The following CNTN6 variants were observed in gnomAD, a reference collection of about 807,000 sequenced individuals.
CNTN6 encodes contactin 6, also known as contactin-6.
CNTN6 carries 137 observed loss-of-function variants against 122.8 expected under a neutral mutation model. The observed-to-expected ratio is 1.12, with a 90% CI of 0.97 to 1.29. The LOEUF is 1.29. CNTN6 is among the 50% of genes most tolerant of loss of function. The pLI is 0.00. For missense variants in CNTN6, 1,634 were observed against 1,223.4 expected (o/e 1.34, Z -5.01); for synonymous variants, 570 against 426.0 (o/e 1.34, Z -4.16).
chr3:1,313,118 C>G (rs1418057128), intron 7 of CNTN6, among the ~76,000 whole-genome samples: 1 of 151,970 alleles, frequency 6.6e-6, no homozygotes, highest in Non-Finnish European at 1.5e-5. Context: ...ACAAGGCCCA[C>G]CTACCTATAC....
In CNTN6 at chr3:1,400,721, C is replaced by T. The variant is rs73817018; in HGVS notation, c.2705-712C>T. Among the ~76,000 whole-genome samples, 1,170 of 152,206 alleles carry T rather than the reference C, an allele frequency of 7.7e-3. 16 individuals carry two copies. Among genetic ancestry groups the T allele is most frequent in the African/African-American group, 0.027 (1,110 of 41,556 alleles). On this transcript the variant is annotated intron_variant, in intron 20 of 22. Transcript: ENST00000446702. ...TCAGGGGAACTCAAACTTGGACTAT[C>T]TCTGAACAGAGGAGGTTTTAAGTTT...
intron 2 of CNTN6, among the ~76,000 whole-genome samples, chr3:1,180,463 T>C (rs2093533147): frequency 6.6e-6 from 1 of 152,216 alleles, no homozygotes; most frequent in Non-Finnish European, 1.5e-5. Flanking sequence ...CCTTTCTAGT[T>C]TGACATTGTT....
At chr3:1,256,024 A>G (rs6763499) in intron 4 of CNTN6, among the ~76,000 whole-genome samples, 47,327 of 151,606 alleles carry the variant, frequency 0.31, 7,624 homozygotes, top group Admixed American at 0.41. Flanking sequence ...GTGTGCCACC[A>G]TATCCGGCTA....
At chr3:1,154,440 TTTTC>T (rs1559411229) in intron 2 of CNTN6, among the ~76,000 whole-genome samples, 2 of 145,796 alleles carry the variant, frequency 1.4e-5, no homozygotes, top group African/African-American at 5.4e-5. Context: ...TTTTCTTTTC[TTTTC>T]TTTCTTTTTT....
At chr3:1,346,483 C>A (rs140167872) in intron 11 of CNTN6, among the ~76,000 whole-genome samples, 1 of 152,014 alleles carries the variant, frequency 6.6e-6, no homozygotes, top group African/African-American at 2.4e-5. Flanking sequence ...TGCTAGACAG[C>A]GTTTTAAAAG....
intron 2 of CNTN6, among the ~76,000 whole-genome samples, chr3:1,152,692 A>G (rs2092873842): frequency 6.6e-6 from 1 of 152,188 alleles, no homozygotes; most frequent in Non-Finnish European, 1.5e-5. Flanking sequence ...GACAGATTTC[A>G]AAATTTAGTT....
intron 2 of CNTN6, among the ~76,000 whole-genome samples, chr3:1,210,530 A>C (rs2094022128): frequency 6.6e-6 from 1 of 152,162 alleles, no homozygotes; most frequent in South Asian, 2.1e-4. Flanking sequence ...GAGTTTGAAA[A>C]ACTAAGGTAG....
intron 2 of CNTN6, among the ~76,000 whole-genome samples, chr3:1,167,373 A>G (rs1167614996): frequency 2.0e-5 from 3 of 152,180 alleles, no homozygotes; most frequent in South Asian, 2.1e-4. Context: ...CTTTTCACCT[A>G]GATGACGTAT....
At chr3:1,348,042 C>T (rs980535287) in intron 11 of CNTN6, among the ~76,000 whole-genome samples, 1 of 151,078 alleles carries the variant, frequency 6.6e-6, no homozygotes, top group African/African-American at 2.4e-5. Flanking sequence ...CATTGAAAGC[C>T]TACCTATTGA....
At chr3:1,255,417 G>A (rs34990281) in intron 4 of CNTN6, among the ~76,000 whole-genome samples, 22,525 of 127,404 alleles carry the variant, frequency 0.18, 1,885 homozygotes, top group African/African-American at 0.22. Context: ...TTTGAAAATG[G>A]AAAAAAAAAA....
chr3:1,230,003 G>A lies in CNTN6; in HGVS notation c.358+2010G>A, dbSNP rs567220185. On this transcript the variant is annotated intron_variant, in intron 4 of 22. Transcript: ENST00000446702. Reference sequence around the variant, plus strand: ...GTCTGAAATATTTCTCATTGTATCCGGGGAGACATGTGCGAGAGTGTGGAA... The same window carrying A: ...GTCTGAAATATTTCTCATTGTATCCAGGGAGACATGTGCGAGAGTGTGGAA... Among the ~76,000 whole-genome samples the A allele has an allele frequency of 7.2e-5, 11 of 152,154 alleles. 1 individual carries two copies. The highest frequency in any genetic ancestry group is 4.1e-4 in the South Asian group (2 of 4,822).
At chr3:1,220,332 T>A (rs2094190682) in intron 2 of CNTN6, among the ~76,000 whole-genome samples, 2 of 151,820 alleles carry the variant, frequency 1.3e-5, no homozygotes, top group African/African-American at 4.9e-5. Context: ...TGAGACACTG[T>A]CTCTACAACA....
At position 1,139,347 on chromosome 3, in the gene CNTN6, C is replaced by T. The variant is rs549452250; in HGVS notation, c.-82-8580C>T. ...CATAAATTCCTATCCCTGTACTAAACCGCACTGAAAGCAAAAATAATTTAG... is the reference window on the plus strand; with the variant it reads ...CATAAATTCCTATCCCTGTACTAAATCGCACTGAAAGCAAAAATAATTTAG... On this transcript the variant is annotated intron_variant, in intron 1 of 22. Transcript: ENST00000446702. 9.2e-5 allele frequency among the ~76,000 whole-genome samples: 14 copies of T among 152,188 alleles called. No individual in the cohort carries two copies. The East Asian group carries it at 2.1e-3, about 23-fold the overall frequency.
At chr3:1,128,437 T>G (rs572061539) in intron 1 of CNTN6, 2 of 151,952 alleles carry the variant, frequency 1.3e-5, no homozygotes, top group Non-Finnish European at 2.9e-5. Context: ...CTGTGCACAA[T>G]TGGAGGATCA....
At chr3:1,109,868 A>G (rs750339333) in intron 1 of CNTN6, among the ~76,000 whole-genome samples, 2 of 152,010 alleles carry the variant, frequency 1.3e-5, no homozygotes, top group Non-Finnish European at 2.9e-5. Flanking sequence ...GCTTCTTCCC[A>G]TACTCTATCC....
chr3:1,372,283 T>G lies in CNTN6; in HGVS notation c.1493-16T>G. 1 of 1,564,638 alleles carries G rather than the reference T, an allele frequency of 6.4e-7. No individual in the cohort carries two copies. The highest frequency in any genetic ancestry group is 8.6e-7 in the Non-Finnish European group (1 of 1,156,908). ...GCATTTCATAAGCTTTAAAAAATAA[T>G]TTTTTTTCTCAACAGAGAGAACTGT... On this transcript the variant is annotated splice_polypyrimidine_tract_variant and intron_variant, in intron 12 of 22. Transcript: ENST00000446702.
chr3:1,203,993 C>A (rs940813048), intron 2 of CNTN6, among the ~76,000 whole-genome samples: 2 of 152,170 alleles, frequency 1.3e-5, no homozygotes, highest in Admixed American at 6.5e-5. Flanking sequence ...GTGTACCATA[C>A]AGCCTAGGTG....
At chr3:1,317,684 G>T (rs532354164) in intron 7 of CNTN6, among the ~76,000 whole-genome samples, 62 of 151,760 alleles carry the variant, frequency 4.1e-4, no homozygotes, top group Non-Finnish European at 4.4e-4. Flanking sequence ...GAGCCATTCT[G>T]CAAGCAGTCC....
At position 1,245,311 on chromosome 3, in the gene CNTN6, T is replaced by TACACAC. The variant is rs1389595111; in HGVS notation, c.358+17319_358+17320insCACACA. On this transcript the variant is annotated intron_variant, in intron 4 of 22. Coordinates refer to ENST00000446702, the MANE Select transcript of CNTN6 (RefSeq NM_001289080.2). Reference sequence around the variant, plus strand: ...TATATATAACATATATATATATATATATATATATATATATATATATATATA... The same window carrying TACACAC: ...TATATATAACATATATATATATATATACACACATATATATATATATATATATATATA... 1.8e-3 allele frequency among the ~76,000 whole-genome samples: 32 copies of TACACAC among 17,606 alleles called. 9 individuals are homozygous for TACACAC. The highest frequency in any genetic ancestry group is 6.4e-3 in the African/African-American group (31 of 4,854). 11.6% of individuals were successfully genotyped at this position (17,606 alleles called of 152,430 possible).
Sources: allele counts gnomAD v4.1 joint callset (sites outside exome capture counted in the v4.1 genomes callset), GRCh38; gene constraint gnomAD v4.1.1; transcripts MANE v1.5; gene names NCBI Gene and HGNC (gene_info 2026-07-23, HGNC 2026-07-21).